The following NLGN1 variants were observed in gnomAD, a reference collection of about 807,000 sequenced individuals.
The protein encoded by NLGN1 is neuroligin-1.
Under a neutral mutation model 65.5 loss-of-function variants are expected in NLGN1, and 12 were observed. The observed-to-expected ratio is 0.18, with a 90% confidence interval of 0.12 to 0.30. NLGN1 has a LOEUF of 0.30. Among genes scored for constraint, NLGN1 ranks in the 10% least tolerant of loss-of-function variants. The probability of loss-of-function intolerance (pLI) is 1.00; values close to 1 mark genes in which losing one functional copy is unlikely to be tolerated. For missense variants in NLGN1, 750 were observed against 1,007.1 expected (o/e 0.74, Z 3.46); for synonymous variants, 350 against 359.5 (o/e 0.97, Z 0.30).
At chr3:173,612,150 G>A (rs923411933) in intron 3 of NLGN1, among the ~76,000 whole-genome samples, 1 of 151,986 alleles carries the variant, frequency 6.6e-6, no homozygotes, top group Non-Finnish European at 1.5e-5. Flanking sequence ...GGCAGAATTC[G>A]AACGTCACAC....
intron 3 of NLGN1, among the ~76,000 whole-genome samples, chr3:173,685,159 G>A (rs1216888267): frequency 6.6e-6 from 1 of 152,118 alleles, no homozygotes; most frequent in Non-Finnish European, 1.5e-5. Flanking sequence ...AATAATTACA[G>A]GATGCCGAGT....
chr3:174,159,081 T>C (rs930193512), intron 4 of NLGN1, among the ~76,000 whole-genome samples: 2 of 151,838 alleles, frequency 1.3e-5, no homozygotes, highest in Non-Finnish European at 3.0e-5. Flanking sequence ...AACTCAGGAA[T>C]AGCCAGGCTG....
chr3:174,051,191 A>C lies in NLGN1; in HGVS notation c.647-224124A>C, dbSNP rs150446690. On this transcript the variant is annotated intron_variant, in intron 4 of 6. Transcript: ENST00000457714. ...AAGTAACTGGGACTCAGGGAGATAA[A>C]GTAACTTAGTGACTCACCTAAGTTT... 6.3e-3 allele frequency among the ~76,000 whole-genome samples: 954 copies of C among 152,204 alleles called. 23 individuals carry two copies. Among genetic ancestry groups the C allele is most frequent in the East Asian group, 0.039 (200 of 5,158 alleles).
chr3:174,136,551 G>C (rs2152682006), intron 4 of NLGN1: 1 of 152,196 alleles, frequency 6.6e-6, no homozygotes, highest in African/African-American at 2.4e-5. Flanking sequence ...TGATTACCAA[G>C]AGGAAGCTGA....
At chr3:173,940,379 A>G (rs1302701156) in intron 4 of NLGN1, among the ~76,000 whole-genome samples, 1 of 152,046 alleles carries the variant, frequency 6.6e-6, no homozygotes, top group East Asian at 1.9e-4. Context: ...ATGAGCTACC[A>G]TGCCCGGCCT....
chr3:174,128,381 T>C (rs1719409413), intron 4 of NLGN1, among the ~76,000 whole-genome samples: 1 of 152,132 alleles, frequency 6.6e-6, no homozygotes, highest in African/African-American at 2.4e-5. Flanking sequence ...AAAATAATAA[T>C]AGAAAAGATA....
intron 3 of NLGN1, among the ~76,000 whole-genome samples, chr3:173,718,299 T>C (rs1770219680): frequency 6.6e-6 from 1 of 152,102 alleles, no homozygotes; most frequent in Non-Finnish European, 1.5e-5. Context: ...CTTCATCCAC[T>C]GCCCCCAACC....
chr3:173,504,292 T>G (rs889853276), intron 2 of NLGN1, among the ~76,000 whole-genome samples: 18 of 152,088 alleles, frequency 1.2e-4, no homozygotes, highest in African/African-American at 3.6e-4. Flanking sequence ...ATACAGCATA[T>G]GTGTACAGCA....
At chr3:173,693,289 A>G (rs893413001) in intron 3 of NLGN1, among the ~76,000 whole-genome samples, 2 of 152,050 alleles carry the variant, frequency 1.3e-5, no homozygotes, top group African/African-American at 2.4e-5. Context: ...GTGAAGTTAA[A>G]GGAGGGACTG....
At chr3:173,928,670 TA>T (rs1280888190) in intron 4 of NLGN1, among the ~76,000 whole-genome samples, 12 of 142,616 alleles carry the variant, frequency 8.4e-5, no homozygotes, top group Non-Finnish European at 1.5e-4. Context: ...TAGACATAGT[TA>T]ATTTTTTTTT....
At chr3:174,129,972 T>C (rs2152668632) in intron 4 of NLGN1, among the ~76,000 whole-genome samples, 1 of 152,350 alleles carries the variant, frequency 6.6e-6, no homozygotes, top group African/African-American at 2.4e-5. Context: ...ACCATTAGGA[T>C]CTGTAAGAGC....
chr3:173,753,305 G>A, intron 3 of NLGN1, among the ~76,000 whole-genome samples: 1 of 152,056 alleles, frequency 6.6e-6, no homozygotes. Context: ...ATATCCAATA[G>A]TCATCTCAAA....
intron 3 of NLGN1, among the ~76,000 whole-genome samples, chr3:173,777,021 T>C (rs1032471055): frequency 6.6e-6 from 1 of 151,894 alleles, no homozygotes; most frequent in African/African-American, 2.4e-5. Context: ...GTAAGAGTGA[T>C]TAAAATCTCA....
At chr3:173,683,179 T>G (rs895000562) in intron 3 of NLGN1, among the ~76,000 whole-genome samples, 3 of 152,210 alleles carry the variant, frequency 2.0e-5, no homozygotes, top group Admixed American at 1.3e-4. Flanking sequence ...TTTTGCTCCT[T>G]ATAAAATACA....
At chr3:173,841,332 A>G (rs1010426597) in intron 4 of NLGN1, among the ~76,000 whole-genome samples, 16 of 152,172 alleles carry the variant, frequency 1.1e-4, no homozygotes, top group Admixed American at 7.9e-4. Context: ...TTATTTCTCT[A>G]TTAGGCATCT....
chr3:173,703,332 G>T (rs1767544288), intron 3 of NLGN1, among the ~76,000 whole-genome samples: 1 of 151,870 alleles, frequency 6.6e-6, no homozygotes, highest in South Asian at 2.1e-4. Context: ...GATCCTGATG[G>T]GTTCATTTTG....
At chr3:174,111,805 A>C (rs1235669954) in intron 4 of NLGN1, among the ~76,000 whole-genome samples, 1 of 152,014 alleles carries the variant, frequency 6.6e-6, no homozygotes, top group Non-Finnish European at 1.5e-5. Context: ...ATAATCAATT[A>C]AATGAAAACT....
At position 173,878,105 on chromosome 3, in the gene NLGN1, A is replaced by G. The variant is rs954055068; in HGVS notation, c.646+70273A>G. 9.2e-5 allele frequency among the ~76,000 whole-genome samples: 14 copies of G among 151,976 alleles called. 1 individual carries two copies. On this transcript the variant is annotated intron_variant, in intron 4 of 6. Transcript: ENST00000457714. The stretch of plus-strand genomic sequence containing the variant: ...CACCCAGGCTGGAGTGCAATGGTGC[A>G]ATCTCAGCTCACTGCAACCTCTGCC...
intron 4 of NLGN1, among the ~76,000 whole-genome samples, chr3:174,092,629 G>T (rs1200926675): frequency 6.6e-6 from 1 of 151,766 alleles, no homozygotes; most frequent in Non-Finnish European, 1.5e-5. Context: ...TTATTATTAT[G>T]ATGATGGTTA....
Sources: gnomAD v4.1 joint callset for allele counts (sites outside exome capture counted in the v4.1 genomes callset) on GRCh38, gnomAD v4.1.1 for gene constraint, MANE v1.5 for transcripts, NCBI Gene and HGNC (gene_info 2026-07-23, HGNC 2026-07-21) for gene names.